Variants in TRDN observed in about 807,000 individuals in gnomAD.
TRDN encodes triadin, also known as triadin in skeletal muscle.
Under a neutral mutation model 149.7 loss-of-function variants are expected in TRDN, and 161 were observed. The ratio of observed to expected loss-of-function variants is 1.08; its 90% CI spans 0.95 to 1.23. The LOEUF (loss-of-function observed/expected upper bound fraction) is 1.23. Among genes scored for constraint, TRDN ranks in the 50% most tolerant of loss-of-function variants. TRDN has a pLI of 0.00. For synonymous variants in TRDN, 294 were observed against 250.5 expected, an observed-to-expected ratio of 1.17 and a Z score of -1.64; for missense variants, 896 against 823.5, an observed-to-expected ratio of 1.09 and a Z score of -1.08.
intron 1 of TRDN, among the ~76,000 whole-genome samples, chr6:123,602,383 T>C (rs752516507): frequency 1.3e-5 from 2 of 151,790 alleles, no homozygotes; most frequent in African/African-American, 2.4e-5. Context: ...GCTATGAAAA[T>C]GCAAAGGCAT....
chr6:123,389,273 G>A (rs1782020004), intron 13 of TRDN: 1 of 152,118 alleles, frequency 6.6e-6, no homozygotes, highest in Admixed American at 6.6e-5. Flanking sequence ...CTGGTTCTGT[G>A]TAATGTTTAT....
chr6:123,354,450 C>T (rs1400728144), intron 20 of TRDN, among the ~76,000 whole-genome samples: 1 of 151,832 alleles, frequency 6.6e-6, no homozygotes, highest in South Asian at 2.1e-4. Context: ...CTTTCACAGG[C>T]AAACTCCTGT....
At chr6:123,352,517 A>C in intron 21 of TRDN, 22 bp downstream of exon 21, 1 of 1,608,424 alleles carries the variant, frequency 6.2e-7, no homozygotes. Context: ...AGATAATGTC[A>C]ACCTCCTTCA....
chr6:123,533,730 C>A (rs553674540), intron 4 of TRDN, among the ~76,000 whole-genome samples: 1 of 152,088 alleles, frequency 6.6e-6, no homozygotes, highest in Admixed American at 6.6e-5. Context: ...GGGTCAAGAC[C>A]ACCACTCAGG....
intron 9 of TRDN, among the ~76,000 whole-genome samples, chr6:123,465,719 T>C (rs1435615399): frequency 6.6e-6 from 1 of 151,842 alleles, no homozygotes; most frequent in Non-Finnish European, 1.5e-5. Context: ...ACATTAGCTA[T>C]CATATGATCC....
At chr6:123,465,965 G>C (rs774862269) in intron 9 of TRDN, among the ~76,000 whole-genome samples, 1 of 152,316 alleles carries the variant, frequency 6.6e-6, no homozygotes, top group South Asian at 2.1e-4. Flanking sequence ...AAAGTAATTA[G>C]AGTTGCACAA....
intron 7 of TRDN, among the ~76,000 whole-genome samples, chr6:123,510,477 A>C (rs931712099): frequency 3.9e-5 from 6 of 152,258 alleles, no homozygotes; most frequent in Non-Finnish European, 8.8e-5. Context: ...CATTTTTTCT[A>C]GTAATTGGCA....
chr6:123,291,137 G>A (rs1462489857), intron 24 of TRDN, among the ~76,000 whole-genome samples: 1 of 152,028 alleles, frequency 6.6e-6, no homozygotes, highest in African/African-American at 2.4e-5. Context: ...TGTCTGGGTG[G>A]TGGAGTGAGA....
At chr6:123,269,972 CT>C in intron 30 of TRDN, 106 bp from the exon 31 acceptor site, 1 of 1,075,294 alleles carries the variant, frequency 9.3e-7, no homozygotes, top group Non-Finnish European at 1.3e-6. Flanking sequence ...AGGTCACCTC[CT>C]TAGCTTAAAC....
At chr6:123,420,391 TAA>T (rs5879679) in intron 12 of TRDN, among the ~76,000 whole-genome samples, 2 of 151,146 alleles carry the variant, frequency 1.3e-5, no homozygotes, top group African/African-American at 2.4e-5. Flanking sequence ...AGGATTTTTT[TAA>T]AAAAAAAACA....
At chr6:123,222,230 T>C (rs1312662847) in intron 39 of TRDN, among the ~76,000 whole-genome samples, 1 of 151,578 alleles carries the variant, frequency 6.6e-6, no homozygotes, top group East Asian at 1.9e-4. Context: ...TGTGTGTTAG[T>C]GTGTGTGTTT....
At chr6:123,543,792 A>G (rs1780972652) in intron 4 of TRDN, among the ~76,000 whole-genome samples, 1 of 152,126 alleles carries the variant, frequency 6.6e-6, no homozygotes, top group African/African-American at 2.4e-5. Flanking sequence ...AGATGTCATT[A>G]TCAACTTAAA....
At chr6:123,255,160 T>G (rs1358140484) in intron 36 of TRDN, 35 bp from the exon 37 acceptor site, 9 of 1,002,450 alleles carry the variant, frequency 9.0e-6, no homozygotes, top group Non-Finnish European at 1.4e-6. Flanking sequence ...AAAATATAAA[T>G]TTTTAAAGTA....
chr6:123,288,391 A>G (rs540040929), intron 24 of TRDN, among the ~76,000 whole-genome samples: 1 of 152,232 alleles, frequency 6.6e-6, no homozygotes, highest in East Asian at 1.9e-4. Flanking sequence ...AATGGGATTG[A>G]GTGAAACTAA....
chr6:123,374,287 T>A (rs1781427163), intron 19 of TRDN, among the ~76,000 whole-genome samples: 1 of 152,134 alleles, frequency 6.6e-6, no homozygotes, highest in African/African-American at 2.4e-5. Context: ...AATATTTTTA[T>A]CTATATGTCA....
intron 20 of TRDN, among the ~76,000 whole-genome samples, chr6:123,362,067 T>C (rs376572636): frequency 2.0e-5 from 3 of 152,202 alleles, no homozygotes; most frequent in African/African-American, 7.2e-5. Flanking sequence ...TTTTTCATTG[T>C]TATTAAGAAT....
intron 12 of TRDN, among the ~76,000 whole-genome samples, chr6:123,395,452 C>A (rs1772682221): frequency 6.6e-6 from 1 of 152,080 alleles, no homozygotes; most frequent in Non-Finnish European, 1.5e-5. Flanking sequence ...ACAGGCTGGT[C>A]ATCTCTCAAT....
At position 123,216,449 on chromosome 6, in the gene TRDN, T is replaced by C. The variant is rs1774974320; in HGVS notation, c.*2152A>G. 1 of 151,932 alleles carries C rather than the reference T, an allele frequency of 6.6e-6. No individual in the cohort carries two copies. Among genetic ancestry groups the C allele is most frequent in the African/African-American group, 2.4e-5 (1 of 41,396 alleles). The allele number at this position is 151,932 out of a possible 1,614,324, so 9.4% of individuals were successfully genotyped here. Reference sequence around the variant, plus strand: ...GTAACTTTAATCAGATAAAACGTAATTATTATTAACATTTTTACATTATAG... The same window carrying C: ...GTAACTTTAATCAGATAAAACGTAACTATTATTAACATTTTTACATTATAG... On this transcript the variant is annotated 3_prime_UTR_variant, in exon 41 of 41. Coordinates refer to ENST00000334268, the MANE Select transcript of TRDN (RefSeq NM_006073.4).
rs1217619214 is a variant in TRDN at position 123,503,884 on chromosome 6, T to G, written c.628A>C (p.Thr210Pro). ...TLAKEQKKAK[T>P]AEKSEEKTKK... ...GTCTTTTCTTCACTCTTTTCTGCAG[T>G]CTTAGCTTTCTTCTGTTCTGTATAA... The change falls in exon 8 of 41, where the codon ACT becomes CCT. Residue 210 changes from threonine (T) to proline (P), a missense_variant. Thr to Pro is a conservative substitution (Grantham distance 38). Transcript: ENST00000334268. The G allele has an allele frequency of 6.4e-7, 1 of 1,565,898 alleles. No homozygotes were observed. The highest frequency in any genetic ancestry group is 8.7e-7 in the Non-Finnish European group (1 of 1,154,306).
Sources: allele counts gnomAD v4.1 joint callset (sites outside exome capture counted in the v4.1 genomes callset), GRCh38; gene constraint gnomAD v4.1.1; transcripts MANE v1.5; gene names NCBI Gene and HGNC (gene_info 2026-07-23, HGNC 2026-07-21).